Variants in PCDH9 observed in about 807,000 individuals in gnomAD.
The protein encoded by PCDH9 is protocadherin 9.
PCDH9 carries 24 observed loss-of-function variants against 70.6 expected under a neutral mutation model. The observed-to-expected ratio is 0.34, with a 90% confidence interval of 0.25 to 0.48. The LOEUF (loss-of-function observed/expected upper bound fraction) is 0.48, where lower values mean the gene tolerates loss of function less well. PCDH9 is among the 20% of genes least tolerant of loss of function. PCDH9 has a pLI of 0.99. For missense variants in PCDH9, 1,281 were observed against 1,503.6 expected (o/e 0.85, Z 2.45); for synonymous variants, 562 against 558.5 (o/e 1.01, Z -0.09).
intron 3 of PCDH9, among the ~76,000 whole-genome samples, chr13:66,888,953 T>A (rs971279707): frequency 6.6e-6 from 1 of 152,194 alleles, no homozygotes; most frequent in Non-Finnish European, 1.5e-5. Context: ...AGTTTTGCCA[T>A]AGTGAGATTC....
intron 2 of PCDH9, among the ~76,000 whole-genome samples, chr13:67,049,976 G>A (rs981950493): frequency 3.3e-5 from 5 of 152,008 alleles, no homozygotes; most frequent in African/African-American, 4.8e-5. Flanking sequence ...TAGTAAATTC[G>A]GAGGGAATCA....
At position 66,563,327 on chromosome 13, in the gene PCDH9, A is replaced by G. The variant is rs147231084; in HGVS notation, c.3340+67883T>C. 3.5e-3 allele frequency among the ~76,000 whole-genome samples: 526 copies of G among 152,288 alleles called. 6 individuals are homozygous for G. The highest frequency in any genetic ancestry group is 0.012 in the African/African-American group (507 of 41,570). On this transcript the variant is annotated intron_variant, in intron 4 of 4. Transcript: ENST00000377865. Reference sequence around the variant, plus strand: ...TGCTCCCAACAGTTAAATGGAATCTATCAGCAAGTCCTGTTGGTTTTGCCT... The same window carrying G: ...TGCTCCCAACAGTTAAATGGAATCTGTCAGCAAGTCCTGTTGGTTTTGCCT...
intron 3 of PCDH9, among the ~76,000 whole-genome samples, chr13:66,898,297 A>G (rs942100648): frequency 6.6e-6 from 1 of 151,988 alleles, no homozygotes; most frequent in Non-Finnish European, 1.5e-5. Flanking sequence ...GTGTGTGTAT[A>G]TGTGTCATTT....
At chr13:67,033,426 G>C (rs2084946625) in intron 2 of PCDH9, among the ~76,000 whole-genome samples, 1 of 152,142 alleles carries the variant, frequency 6.6e-6, no homozygotes, top group Non-Finnish European at 1.5e-5. Flanking sequence ...AAAGACAAAA[G>C]GGAAGTTTTC....
intron 3 of PCDH9, among the ~76,000 whole-genome samples, chr13:66,637,830 C>T (rs1339448203): frequency 6.6e-6 from 1 of 151,316 alleles, no homozygotes; most frequent in Non-Finnish European, 1.5e-5. Context: ...AGGAGAATGG[C>T]GTGAACCTGG....
At chr13:67,218,639 A>G (rs2089659879) in intron 2 of PCDH9, 1 of 152,072 alleles carries the variant, frequency 6.6e-6, no homozygotes. Context: ...CACAAACATG[A>G]TAAAATTGAC....
chr13:67,008,217 C>T (rs1480919908), intron 2 of PCDH9, among the ~76,000 whole-genome samples: 3 of 152,150 alleles, frequency 2.0e-5, no homozygotes, highest in South Asian at 2.1e-4. Flanking sequence ...GTTAAAATTG[C>T]TAGAGCCTAT....
At chr13:66,399,365 C>T (rs759756581) in intron 4 of PCDH9, among the ~76,000 whole-genome samples, 20 of 152,110 alleles carry the variant, frequency 1.3e-4, no homozygotes, top group Non-Finnish European at 2.1e-4. Flanking sequence ...CAGACTGCAT[C>T]TTTCTATCTT....
At chr13:67,189,691 A>C (rs2138014822) in intron 2 of PCDH9, among the ~76,000 whole-genome samples, 1 of 152,176 alleles carries the variant, frequency 6.6e-6, no homozygotes, top group South Asian at 2.1e-4. Context: ...AAGAGATAAA[A>C]ATGTAAATGA....
At chr13:66,919,373 T>G (rs113258139) in intron 2 of PCDH9, among the ~76,000 whole-genome samples, 1 of 151,396 alleles carries the variant, frequency 6.6e-6, no homozygotes, top group East Asian at 1.9e-4. Context: ...CCTTGGCATC[T>G]GAAGCAAATA....
intron 2 of PCDH9, among the ~76,000 whole-genome samples, chr13:67,039,171 C>A (rs2085064230): frequency 6.6e-6 from 1 of 152,122 alleles, no homozygotes; most frequent in Non-Finnish European, 1.5e-5. Context: ...TGCATCAGAC[C>A]AGTCTGGTTC....
chr13:66,424,860 G>T (rs1957641114), intron 4 of PCDH9, among the ~76,000 whole-genome samples: 1 of 151,792 alleles, frequency 6.6e-6, no homozygotes, highest in African/African-American at 2.4e-5. Context: ...TTTGGTAACA[G>T]GAATTTTACC....
At chr13:67,004,893 A>G (rs1566357026) in intron 2 of PCDH9, among the ~76,000 whole-genome samples, 1 of 152,140 alleles carries the variant, frequency 6.6e-6, no homozygotes, top group Non-Finnish European at 1.5e-5. Context: ...TATTATTATC[A>G]GCATTGTCCA....
chr13:66,422,681 T>C (rs1957588914), intron 4 of PCDH9, among the ~76,000 whole-genome samples: 1 of 152,116 alleles, frequency 6.6e-6, no homozygotes, highest in Non-Finnish European at 1.5e-5. Context: ...TTTATGGCAC[T>C]AAATGCCCAC....
chr13:66,757,839 G>A (rs2079560230), intron 3 of PCDH9, among the ~76,000 whole-genome samples: 1 of 151,980 alleles, frequency 6.6e-6, no homozygotes, highest in Non-Finnish European at 1.5e-5. Flanking sequence ...CAATTTCTGA[G>A]CAAATGTATA....
intron 3 of PCDH9, among the ~76,000 whole-genome samples, chr13:66,782,523 G>T (rs1206709960): frequency 6.6e-6 from 1 of 152,004 alleles, no homozygotes; most frequent in Admixed American, 6.6e-5. Context: ...ATACACATTA[G>T]ATTTCAAAAG....
At chr13:66,731,902 T>C (rs1265834494) in intron 3 of PCDH9, among the ~76,000 whole-genome samples, 1 of 152,028 alleles carries the variant, frequency 6.6e-6, no homozygotes, top group Admixed American at 6.6e-5. Context: ...CTGCTATATT[T>C]CTTAAAACAT....
At chr13:66,650,640 C>T (rs1465720105) in intron 3 of PCDH9, among the ~76,000 whole-genome samples, 1 of 151,760 alleles carries the variant, frequency 6.6e-6, no homozygotes, top group Non-Finnish European at 1.5e-5. Flanking sequence ...ACTTAGTATA[C>T]CCTATAGACC....
intron 3 of PCDH9, among the ~76,000 whole-genome samples, chr13:66,743,813 T>C (rs2079312553): frequency 6.6e-6 from 1 of 152,148 alleles, no homozygotes; most frequent in South Asian, 2.1e-4. Flanking sequence ...AAAATAATTT[T>C]AAAATTTATA....
Sources: allele counts gnomAD v4.1 joint callset (sites outside exome capture counted in the v4.1 genomes callset), GRCh38; gene constraint gnomAD v4.1.1; transcripts MANE v1.5; gene names NCBI Gene and HGNC (gene_info 2026-07-23, HGNC 2026-07-21).